ATG5: variants seen among roughly 807,000 people sequenced by gnomAD.
The protein encoded by ATG5 is autophagy protein 5.
A neutral mutation model predicts 36.5 loss-of-function variants in ATG5; 14 were observed. The ratio of observed to expected loss-of-function variants is 0.38; its 90% CI spans 0.25 to 0.60. The LOEUF (loss-of-function observed/expected upper bound fraction) is 0.60, where lower values mean the gene tolerates loss of function less well. Among genes scored for constraint, ATG5 ranks in the 20% least tolerant of loss-of-function variants. ATG5 has a pLI of 0.60. For missense variants in ATG5, 195 were observed against 326.7 expected, an observed-to-expected ratio of 0.60 and a Z score of 3.11; for synonymous variants, 95 against 101.5, an observed-to-expected ratio of 0.94 and a Z score of 0.38.
Position 106,240,730 on chromosome 6 carries a change from TA to T in ATG5, c.573+7419del, listed in dbSNP as rs956599180. Among the ~76,000 whole-genome samples the T allele has an allele frequency of 2.8e-4, 42 of 151,596 alleles. 1 individual carries two copies. Among genetic ancestry groups the T allele is most frequent in the Middle Eastern group, 6.8e-3 (2 of 294 alleles). On this transcript the variant is annotated intron_variant, in intron 6 of 7. Transcript: ENST00000369076. ...ATTTTTGGGTACCTATTCCATACCT[TA>T]AAAAAAATACATATGCTTACTGTAG...
chr6:106,316,243 A>G lies in ATG5; in HGVS notation c.-35T>C. The stretch of plus-strand genomic sequence containing the variant: ...AGTTAAAGCAGTACATACAGGCTAA[A>G]TTCTTATTTCAACCAAAGCCAAACT... On this transcript the variant is annotated 5_prime_UTR_variant, in exon 2 of 8. Transcript: ENST00000369076. 1.3e-6 allele frequency: 2 copies of G among 1,558,320 alleles called. No homozygotes were observed. Among genetic ancestry groups the G allele is most frequent in the East Asian group, 4.5e-5 (2 of 44,200 alleles).
chr6:106,186,482 G>GCCT lies in ATG5; in HGVS notation c.*57_*58insAGG. On this transcript the variant is annotated 3_prime_UTR_variant, in exon 8 of 8. Coordinates refer to ENST00000369076, the MANE Select transcript of ATG5 (RefSeq NM_004849.4). ...CCAAACCTGATTGAAGCAAAAGGGT[G>GCCT]ACATGCTCTGATAAATCCCATTTAA... 10 of 1,590,146 alleles carry GCCT rather than the reference G, an allele frequency of 6.3e-6. No homozygotes were observed. The highest frequency in any genetic ancestry group is 8.6e-6 in the Non-Finnish European group (10 of 1,160,976).
chr6:106,208,476 A>G (rs1312705394), intron 6 of ATG5, among the ~76,000 whole-genome samples: 1 of 151,688 alleles, frequency 6.6e-6, no homozygotes, highest in African/African-American at 2.4e-5. Flanking sequence ...TCATTCATTT[A>G]CTCTTCAGTT....
At chr6:106,230,883 G>A (rs972310423) in intron 6 of ATG5, among the ~76,000 whole-genome samples, 25 of 152,292 alleles carry the variant, frequency 1.6e-4, no homozygotes, top group Middle Eastern at 3.4e-3. Flanking sequence ...GGCAAATGGT[G>A]TGAAGTGTCA....
chr6:106,234,644 T>C lies in ATG5; in HGVS notation c.573+13506A>G, dbSNP rs532166760. Among the ~76,000 whole-genome samples, 10 of 152,358 alleles carry C rather than the reference T, an allele frequency of 6.6e-5. No individual in the cohort carries two copies. The South Asian group carries it at 1.7e-3, about 25-fold the overall frequency. On this transcript the variant is annotated intron_variant, in intron 6 of 7. Coordinates refer to ENST00000369076, the MANE Select transcript of ATG5 (RefSeq NM_004849.4). The stretch of plus-strand genomic sequence containing the variant: ...AGAATCTATGTGCTTCCTCTCATTC[T>C]TAGTGCCCCCATGACCATTTACACT...
chr6:106,209,003 A>G (rs1290182159), intron 6 of ATG5, among the ~76,000 whole-genome samples: 1 of 152,186 alleles, frequency 6.6e-6, no homozygotes, highest in Admixed American at 6.5e-5. Context: ...CTACCAAAAT[A>G]TCCAAAATAA....
At chr6:106,197,551 T>C (rs1776246776) in intron 7 of ATG5, among the ~76,000 whole-genome samples, 1 of 151,986 alleles carries the variant, frequency 6.6e-6, no homozygotes, top group Non-Finnish European at 1.5e-5. Context: ...GGTGGATCCC[T>C]CATGAATAGA....
At chr6:106,218,829 T>C (rs550243770) in intron 6 of ATG5, among the ~76,000 whole-genome samples, 3 of 152,156 alleles carry the variant, frequency 2.0e-5, no homozygotes, top group Admixed American at 2.0e-4. Context: ...AAACTTTAAA[T>C]GTAAGTTAAT....
intron 5 of ATG5, among the ~76,000 whole-genome samples, chr6:106,276,159 CTT>C (rs775665337): frequency 2.6e-5 from 4 of 152,314 alleles, no homozygotes; most frequent in Admixed American, 1.3e-4. Context: ...CAGATATTCT[CTT>C]GTTTTATAGA....
At chr6:106,246,174 G>C (rs1778321391) in intron 6 of ATG5, among the ~76,000 whole-genome samples, 2 of 152,042 alleles carry the variant, frequency 1.3e-5, no homozygotes, top group South Asian at 4.2e-4. Context: ...AACCTATATT[G>C]TCCTTAGGCT....
At chr6:106,229,699 AAC>A (rs1478926970) in intron 6 of ATG5, among the ~76,000 whole-genome samples, 1 of 152,220 alleles carries the variant, frequency 6.6e-6, no homozygotes, top group East Asian at 1.9e-4. Flanking sequence ...GTAGCCTGAA[AAC>A]ACTAAGACCA....
chr6:106,286,774 T>C (rs897658206), intron 4 of ATG5, among the ~76,000 whole-genome samples: 6 of 152,216 alleles, frequency 3.9e-5, no homozygotes, highest in Non-Finnish European at 8.8e-5. Flanking sequence ...ACATGGTCTT[T>C]AGGTGGTCAA....
intron 5 of ATG5, among the ~76,000 whole-genome samples, chr6:106,276,866 T>C (rs1779678503): frequency 6.6e-6 from 1 of 152,208 alleles, no homozygotes; most frequent in African/African-American, 2.4e-5. Flanking sequence ...GCACTACACC[T>C]TCTTAAGGAG....
At chr6:106,253,246 T>C (rs1370673217) in intron 5 of ATG5, among the ~76,000 whole-genome samples, 1 of 152,170 alleles carries the variant, frequency 6.6e-6, no homozygotes, top group Non-Finnish European at 1.5e-5. Flanking sequence ...CCAGGTCAAA[T>C]TAAGAGAATC....
At chr6:106,199,824 C>CA (rs1338192323) in intron 7 of ATG5, among the ~76,000 whole-genome samples, 1 of 152,092 alleles carries the variant, frequency 6.6e-6, no homozygotes, top group East Asian at 1.9e-4. Flanking sequence ...AGAAAGAATT[C>CA]AGTAACTGGA....
intron 4 of ATG5, among the ~76,000 whole-genome samples, chr6:106,286,256 T>G (rs1780075156): frequency 6.6e-6 from 1 of 152,164 alleles, no homozygotes; most frequent in African/African-American, 2.4e-5. Flanking sequence ...ACTTCTTTGC[T>G]CTGCTTGAGC....
intron 1 of ATG5, among the ~76,000 whole-genome samples, chr6:106,320,222 C>T (rs952022694): frequency 5.9e-5 from 9 of 152,184 alleles, no homozygotes; most frequent in Non-Finnish European, 1.0e-4. Context: ...TCCAAAACAT[C>T]CATTATGTCC....
At chr6:106,187,081 GA>G (rs1480413698) in intron 7 of ATG5, among the ~76,000 whole-genome samples, 1 of 152,152 alleles carries the variant, frequency 6.6e-6, no homozygotes, top group African/African-American at 2.4e-5. Context: ...TACATATTTT[GA>G]AAATGTAAAA....
chr6:106,288,934 A>ATG (rs139396189), intron 4 of ATG5, among the ~76,000 whole-genome samples: 13,015 of 150,940 alleles, frequency 0.086, 569 homozygotes, highest in South Asian at 0.13. Context: ...ACTGATCCAA[A>ATG]TGTGTGTGTG....
Sources: allele counts gnomAD v4.1 joint callset (sites outside exome capture counted in the v4.1 genomes callset), GRCh38; gene constraint gnomAD v4.1.1; transcripts MANE v1.5; gene names NCBI Gene and HGNC (gene_info 2026-07-23, HGNC 2026-07-21).